The following SCMH1 variants were observed in gnomAD, a reference collection of about 807,000 sequenced individuals.
SCMH1 encodes the protein polycomb protein SCMH1.
A neutral mutation model predicts 70.8 loss-of-function variants in SCMH1; 37 were observed. The observed-to-expected ratio is 0.52, with a 90% CI of 0.40 to 0.69. The LOEUF (loss-of-function observed/expected upper bound fraction) is 0.69. Among genes scored for constraint, SCMH1 ranks in the 30% least tolerant of loss-of-function variants. The probability of loss-of-function intolerance (pLI) is 0.00; values close to 1 mark genes in which losing one functional copy is unlikely to be tolerated. For synonymous variants in SCMH1, 292 were observed against 307.4 expected (o/e 0.95, Z 0.52); for missense variants, 607 against 827.3 (o/e 0.73, Z 3.27).
chr1:41,033,094 C>T (rs772653285), intron 13 of SCMH1, among the ~76,000 whole-genome samples: 30 of 151,976 alleles, frequency 2.0e-4, no homozygotes, highest in Non-Finnish European at 4.1e-4. Flanking sequence ...GAATTTGAGA[C>T]CAGCCTGGGC....
chr1:41,090,342 C>G (rs1663045061), intron 8 of SCMH1, among the ~76,000 whole-genome samples: 1 of 151,864 alleles, frequency 6.6e-6, no homozygotes, highest in Admixed American at 6.6e-5. Flanking sequence ...TTTTGCAAAT[C>G]TCTTCATCTC....
intron 4 of SCMH1, among the ~76,000 whole-genome samples, chr1:41,156,745 T>C (rs1281465074): frequency 3.9e-5 from 6 of 152,098 alleles, no homozygotes; most frequent in Admixed American, 2.6e-4. Context: ...GGATTTGTCC[T>C]AAGGGTGGGA....
At chr1:41,189,186 G>A (rs2148656708) in intron 1 of SCMH1, among the ~76,000 whole-genome samples, 1 of 152,262 alleles carries the variant, frequency 6.6e-6, no homozygotes, top group South Asian at 2.1e-4. Context: ...TTTCACTCTG[G>A]TTGCTCAGGC....
intron 8 of SCMH1, among the ~76,000 whole-genome samples, chr1:41,097,805 A>G (rs932717045): frequency 2.0e-5 from 3 of 152,260 alleles, no homozygotes; most frequent in Non-Finnish European, 4.4e-5. Context: ...AGATCTGTCT[A>G]AAACACAAAT....
chr1:41,166,017 G>A (rs115024182), intron 2 of SCMH1, among the ~76,000 whole-genome samples: 1 of 152,162 alleles, frequency 6.6e-6, no homozygotes, highest in African/African-American at 2.4e-5. Context: ...ATTTTGAGTT[G>A]ATTCTCATAT....
exon 13 of SCMH1, chr1:41,037,529 A>T: frequency 1.2e-6 from 2 of 1,613,990 alleles, no homozygotes; most frequent in Non-Finnish European, 1.7e-6. Flanking sequence ...ATTCCCCAGG[A>T]CAAAGGTTTC....
chr1:41,035,773 T>TA (rs1427880504), intron 13 of SCMH1, among the ~76,000 whole-genome samples: 3 of 152,314 alleles, frequency 2.0e-5, no homozygotes, highest in African/African-American at 7.2e-5. Flanking sequence ...TTCTTTGACT[T>TA]AGAGTCCTAC....
chr1:41,216,411 G>A (rs1658094245), intron 1 of SCMH1, among the ~76,000 whole-genome samples: 1 of 152,172 alleles, frequency 6.6e-6, no homozygotes, highest in South Asian at 2.1e-4. Context: ...TGGGTCAGCT[G>A]CCTATCTAAC....
At chr1:41,176,461 A>C (rs1647149224) in intron 2 of SCMH1, among the ~76,000 whole-genome samples, 2 of 152,228 alleles carry the variant, frequency 1.3e-5, no homozygotes, top group Non-Finnish European at 2.9e-5. Context: ...GCATCGCCTC[A>C]CCTGGGAAGT....
intron 4 of SCMH1, among the ~76,000 whole-genome samples, chr1:41,153,104 C>T (rs989670424): frequency 6.6e-6 from 1 of 152,178 alleles, no homozygotes; most frequent in Non-Finnish European, 1.5e-5. Context: ...AAAAATAAAA[C>T]ATTACAATTT....
intron 2 of SCMH1, among the ~76,000 whole-genome samples, chr1:41,170,727 G>C (rs1285114237): frequency 6.6e-6 from 1 of 152,118 alleles, no homozygotes; most frequent in Admixed American, 6.5e-5. Context: ...AAATTTAAGA[G>C]TTATCTGCAG....
rs71062579 is a variant in SCMH1, at chr1:41,150,936, C to CAAAAAAAA, written c.177+670_177+677dup. Reference sequence around the variant, plus strand: ...TGGGCGACAGAGTGAGACACCATCTCAAAAAAAAAAAAAAAAAAAAAGAAA... The same window carrying CAAAAAAAA: ...TGGGCGACAGAGTGAGACACCATCTCAAAAAAAAAAAAAAAAAAAAAAAAAAAAAGAAA... On this transcript the variant is annotated intron_variant, in intron 5 of 14. Coordinates refer to ENST00000337495, the Ensembl canonical transcript of SCMH1. Among the ~76,000 whole-genome samples the CAAAAAAAA allele has an allele frequency of 9.4e-4, 71 of 75,500 alleles. 1 individual carries two copies. The highest frequency in any genetic ancestry group is 1.5e-3 in the Admixed American group (9 of 6,098). The allele number at this position is 75,500 out of a possible 152,430, so 49.5% of individuals were successfully genotyped here. A position where few individuals can be genotyped will look rare whatever the true frequency, so the allele number is the denominator to read the frequency against.
intron 1 of SCMH1, among the ~76,000 whole-genome samples, chr1:41,226,528 G>C (rs577718300): frequency 6.6e-6 from 1 of 152,182 alleles, no homozygotes; most frequent in Non-Finnish European, 1.5e-5. Flanking sequence ...AGTCAAGAAA[G>C]GCTTAGATAT....
chr1:41,138,075 C>A lies in SCMH1; in HGVS notation c.412+4803G>T, dbSNP rs116927820. 2.4e-4 allele frequency among the ~76,000 whole-genome samples: 37 copies of A among 152,212 alleles called. No homozygotes were observed. In the East Asian group the frequency reaches 7.1e-3, roughly 29 times the overall value. ...GATGAAGAGCTTTCTCTAATTTATT[C>A]CTCAGAATGGGCTTGGGGTTATAAT... On this transcript the variant is annotated intron_variant, in intron 6 of 14. Transcript: ENST00000337495.
intron 4 of SCMH1, among the ~76,000 whole-genome samples, chr1:41,158,367 T>C (rs1205694792): frequency 6.6e-6 from 1 of 152,126 alleles, no homozygotes; most frequent in African/African-American, 2.4e-5. Flanking sequence ...AGTGCTACAC[T>C]GGAGAGACAG....
chr1:41,176,584 C>T (rs577799089), intron 2 of SCMH1, among the ~76,000 whole-genome samples: 2 of 152,308 alleles, frequency 1.3e-5, no homozygotes, highest in Admixed American at 6.5e-5. Context: ...TCTTAGCAAA[C>T]GGCACACCAG....
intron 1 of SCMH1, among the ~76,000 whole-genome samples, chr1:41,239,869 C>T (rs1396343726): frequency 1.3e-5 from 2 of 152,150 alleles, no homozygotes; most frequent in East Asian, 3.8e-4. Flanking sequence ...CTCCTGGCCT[C>T]AAAGAGTTGC....
At chr1:41,217,580 T>C (rs58509751) in intron 1 of SCMH1, among the ~76,000 whole-genome samples, 1,959 of 152,288 alleles carry the variant, frequency 0.013, 38 homozygotes, top group African/African-American at 0.045. Flanking sequence ...GTAGCAAAGA[T>C]ATGTGGAGAA....
intron 13 of SCMH1, 100 bp from the exon 14 acceptor site, chr1:41,034,148 T>C: frequency 6.7e-7 from 1 of 1,491,554 alleles, no homozygotes; most frequent in Non-Finnish European, 9.0e-7. Flanking sequence ...GACTCAAGTC[T>C]CAAAGCAAGG....
Sources: allele counts gnomAD v4.1 joint callset (sites outside exome capture counted in the v4.1 genomes callset), GRCh38; gene constraint gnomAD v4.1.1; transcripts MANE v1.5; gene names NCBI Gene and HGNC (gene_info 2026-07-23, HGNC 2026-07-21).